Variants in RASL10A observed in about 807,000 individuals in gnomAD.
RASL10A encodes the protein RAS like family 10 member A, also known as ras-like protein family member 10A.
In RASL10A, 13 loss-of-function variants were observed where a neutral mutation model predicts 17.3. That is an observed-to-expected ratio of 0.75 (90% CI 0.49 to 1.20). The LOEUF (loss-of-function observed/expected upper bound fraction) is 1.20, where lower values mean the gene tolerates loss of function less well. Among genes scored for constraint, RASL10A ranks in the 50% most tolerant of loss-of-function variants. The pLI is 0.00. For missense variants in RASL10A, 307 were observed against 310.3 expected (o/e 0.99, Z 0.08); for synonymous variants, 159 against 142.2 (o/e 1.12, Z -0.84).
upstream of RASL10A, among the ~76,000 whole-genome samples, chr22:29,317,839 C>T (rs990783117): frequency 3.9e-5 from 6 of 152,320 alleles, no homozygotes; most frequent in Admixed American, 6.5e-5. Flanking sequence ...CACATGCCAC[C>T]ATGCCCGGCT....
chr22:29,319,046 G>T (rs1376178652), upstream of RASL10A, among the ~76,000 whole-genome samples: 2 of 152,166 alleles, frequency 1.3e-5, no homozygotes, highest in African/African-American at 2.4e-5. Context: ...GGGGAGGGCT[G>T]GGCAGGGGCA....
upstream of RASL10A, among the ~76,000 whole-genome samples, chr22:29,318,753 C>T (rs2061464285): frequency 6.6e-6 from 1 of 152,210 alleles, no homozygotes; most frequent in Non-Finnish European, 1.5e-5. Flanking sequence ...CTGGGCACTC[C>T]TTGAATGCCC....
chr22:29,313,903 C>T lies in RASL10A; in HGVS notation c.304G>A (p.Asp102Asn). The T allele has an allele frequency of 6.2e-7, 1 of 1,613,930 alleles. No homozygotes were observed. Among genetic ancestry groups the T allele is most frequent in the Non-Finnish European group, 8.5e-7 (1 of 1,180,028 alleles). ...CGCTGCCGCAGGGCCTTCACGTAGT[C>T]GAAACTGTCCGGGCTGCAGATGTCG... is the stretch of plus-strand genomic sequence containing the variant. ...VYDICSPDSF[D>N]YVKALRQRIA... Residue 102 changes from aspartate to asparagine, a missense_variant, in exon 2 of 3, where the codon GAC (aspartate) becomes AAC (asparagine). By Grantham distance (23) the Asp-to-Asn change is conservative. Transcript: ENST00000216101.
In RASL10A at chr22:29,315,562, C is replaced by T. The variant is rs547751225; in HGVS notation, c.-316G>A. ...CTCCGCCCCGCAGCGCCAACCCAGG[C>T]GCCGGCGGACGCGCGAGGCGCCGAA... is the stretch of plus-strand genomic sequence containing the variant. On this transcript the variant is annotated 5_prime_UTR_variant, in exon 1 of 3. Coordinates refer to ENST00000216101, the MANE Select transcript of RASL10A (RefSeq NM_006477.5). The surrounding 1 kb of genome is among the most constrained non-coding windows in gnomAD (Gnocchi z 5.5). 179 of 171,834 alleles carry T rather than the reference C, an allele frequency of 1.0e-3. No homozygotes were observed. Among genetic ancestry groups the T allele is most frequent in the African/African-American group, 3.8e-3 (161 of 42,220 alleles). The allele number at this position is 171,834 out of a possible 1,614,324, so 10.6% of individuals were successfully genotyped here.
At chr22:29,314,196 T>A (rs1485157310) in intron 1 of RASL10A, 8 of 589,904 alleles carry the variant, frequency 1.4e-5, no homozygotes, top group Non-Finnish European at 2.3e-5. Context: ...CCAGCCTCCT[T>A]CATCCTTGGT....
In RASL10A at chr22:29,313,999, A is replaced by G. The variant is rs1371586599; in HGVS notation, c.220-12T>C. On this transcript the variant is annotated splice_polypyrimidine_tract_variant and intron_variant, in intron 1 of 2. Transcript: ENST00000216101. ...GCGTCTGGCCACTCCTGGGGACAGG[A>G]GGCCAGGGTTTGCGGAAGCCTCCTT... is the stretch of plus-strand genomic sequence containing the variant. 3 of 1,612,338 alleles carry G rather than the reference A, an allele frequency of 1.9e-6. No homozygotes were observed. Among genetic ancestry groups the G allele is most frequent in the Non-Finnish European group, 2.5e-6 (3 of 1,179,964 alleles).
At position 29,313,020 on chromosome 22, in the gene RASL10A, C is replaced by T; in HGVS notation, c.*281G>A. 1 of 409,468 alleles carries T rather than the reference C, an allele frequency of 2.4e-6. No individual in the cohort carries two copies. The highest frequency in any genetic ancestry group is 4.3e-6 in the Non-Finnish European group (1 of 233,662). 25.4% of individuals were successfully genotyped at this position (409,468 alleles called of 1,614,324 possible). A position where few individuals can be genotyped will look rare whatever the true frequency, so the allele number is the denominator to read the frequency against. On this transcript the variant is annotated 3_prime_UTR_variant, in exon 3 of 3. Transcript: ENST00000216101. ...GCTCCAGGAGCAGGCTGCGTGTTTC[C>T]AGTCAAGTTCATAGCCAAGTCCTTT...
Position 29,313,483 on chromosome 22 carries a change from G to C in RASL10A, c.430C>G (p.Leu144Val). The C allele has an allele frequency of 6.4e-7, 1 of 1,554,648 alleles. No individual in the cohort carries two copies. Among genetic ancestry groups the C allele is most frequent in the African/African-American group, 1.4e-5 (1 of 73,688 alleles). Residue 144 changes from leucine to valine, a missense_variant, in exon 3 of 3, where the codon CTG (leucine) becomes GTG (valine). Coordinates refer to ENST00000216101, the MANE Select transcript of RASL10A (RefSeq NM_006477.5). ...CAGCCCCTGCGCACTAGGGCGGCCA[G>C]CGCGCGCCGCGGTCCGAAGCGCAGC... Reference protein sequence around the residue: ...QRLRFGPRRALAALVRRGWRC... With the variant: ...QRLRFGPRRAVAALVRRGWRC...
chr22:29,315,000 C>T (rs1602662868), intron 1 of RASL10A, 28 bp downstream of exon 1: 5 of 1,451,984 alleles, frequency 3.4e-6, no homozygotes, highest in Non-Finnish European at 4.5e-6. Context: ...CACTGTCACA[C>T]GCCCCTGCCC....
chr22:29,313,265 C>A lies in RASL10A; in HGVS notation c.*36G>T. On this transcript the variant is annotated 3_prime_UTR_variant, in exon 3 of 3. Coordinates refer to ENST00000216101, the MANE Select transcript of RASL10A (RefSeq NM_006477.5). ...TCCAGGTCCCTGATTGTCCCAGTCA[C>A]AAGGTGGGGCCCATGGATGGCACTG... 6.9e-7 allele frequency: 1 copy of A among 1,452,334 alleles called. No homozygotes were observed. The highest frequency in any genetic ancestry group is 9.1e-7 in the Non-Finnish European group (1 of 1,099,058). 90.0% of individuals were successfully genotyped at this position (1,452,334 alleles called of 1,614,324 possible).
chr22:29,314,879 G>GA, intron 1 of RASL10A, 149 bp downstream of exon 1: 2 of 703,200 alleles, frequency 2.8e-6, no homozygotes, highest in Non-Finnish European at 4.3e-6. Flanking sequence ...GGGAAGGGCT[G>GA]AAACGCAAGT....
intron 1 of RASL10A, 69 bp from the exon 2 acceptor site, chr22:29,314,056 G>A: frequency 2.5e-6 from 4 of 1,587,754 alleles, no homozygotes; most frequent in Non-Finnish European, 2.6e-6. Flanking sequence ...CCTCTGCAGG[G>A]GCCTGGACGC....
At chr22:29,318,831 C>T (rs546794260), upstream of RASL10A, among the ~76,000 whole-genome samples, 20 of 152,318 alleles carry the variant, frequency 1.3e-4, 1 homozygote, top group South Asian at 3.7e-3. Context: ...AGGGGACTGG[C>T]ACTAGGCACA....
Position 29,315,249 on chromosome 22 carries a change from C to A in RASL10A, c.-3G>T. 1.4e-6 allele frequency: 2 copies of A among 1,468,908 alleles called. No individual in the cohort carries two copies. Among genetic ancestry groups the A allele is most frequent in the Non-Finnish European group, 1.8e-6 (2 of 1,118,778 alleles). The allele number at this position is 1,468,908 out of a possible 1,614,324, so 91.0% of individuals were successfully genotyped here. A position where few individuals can be genotyped will look rare whatever the true frequency, so the allele number is the denominator to read the frequency against. On this transcript the variant is annotated 5_prime_UTR_variant, in exon 1 of 3. Coordinates refer to ENST00000216101, the MANE Select transcript of RASL10A (RefSeq NM_006477.5). The surrounding 1 kb of genome is among the most constrained non-coding windows in gnomAD (Gnocchi z 5.5). The stretch of plus-strand genomic sequence containing the variant: ...GCCACCCGCAGGCTACCCCCCATGG[C>A]CGGCCGGCGCTGTCGCTCCCCGCGC...
In RASL10A at chr22:29,313,354, G is replaced by T; in HGVS notation, c.559C>A (p.Pro187Thr). 1 of 1,542,648 alleles carries T rather than the reference G, an allele frequency of 6.5e-7. No individual in the cohort carries two copies. The highest frequency in any genetic ancestry group is 8.7e-7 in the Non-Finnish European group (1 of 1,144,170). ...AGCGCCCCCTGCAGGCGCAGGGCCG[G>T]GTGTGCAGGGCGCGCGCGCACCAGA... ...CALVRARPAH[P>T]ALRLQGALHP... is the part of the protein sequence containing the mutation. Residue 187 changes from proline (P) to threonine (T), a missense_variant, in exon 3 of 3, where the codon CCG becomes ACG. By Grantham distance (38) the Pro-to-Thr change is conservative. Transcript: ENST00000216101.
Position 29,315,055 on chromosome 22 carries a change from G to A in RASL10A, c.192C>T (p.Gly64=). ...DLSIRDGDVA[G]PGSSPGGPEE... Reference sequence around the variant, plus strand: ...CCGGACCCCCGGGGCTCGAGCCGGGGCCAGCGACGTCGCCGTCGCGGATGC... The same window carrying A: ...CCGGACCCCCGGGGCTCGAGCCGGGACCAGCGACGTCGCCGTCGCGGATGC... Residue 64 remains glycine, a synonymous_variant, in exon 1 of 3, where the codon GGC becomes GGT. Coordinates refer to ENST00000216101, the MANE Select transcript of RASL10A (RefSeq NM_006477.5). This position sits in a 1 kb window ranked among gnomAD's most constrained non-coding sequence, Gnocchi z 5.5. The A allele has an allele frequency of 3.3e-6, 5 of 1,516,540 alleles. No homozygotes were observed. The highest frequency in any genetic ancestry group is 4.4e-6 in the Non-Finnish European group (5 of 1,136,538). The allele number at this position is 1,516,540 out of a possible 1,614,324, so 93.9% of individuals were successfully genotyped here. A position where few individuals can be genotyped will look rare whatever the true frequency, so the allele number is the denominator to read the frequency against.
upstream of RASL10A, chr22:29,319,574 G>C (rs1485808656): frequency 1.3e-5 from 2 of 152,354 alleles, no homozygotes; most frequent in Non-Finnish European, 2.9e-5. Flanking sequence ...CTTGGGCTGG[G>C]TGCAGTGGCT....
rs1244054103 is a variant in RASL10A at position 29,315,043 on chromosome 22, G to A, written c.204C>T (p.Ser68=). ...GAGCCGCTACCTCCGGACCCCCGGG[G>A]CTCGAGCCGGGGCCAGCGACGTCGC... ...RDGDVAGPGS[S]PGGPEEWPDA... is the part of the protein sequence containing the mutation. Residue 68 remains serine (S), a synonymous_variant, in exon 1 of 3, where the codon AGC becomes AGT. Coordinates refer to ENST00000216101, the MANE Select transcript of RASL10A (RefSeq NM_006477.5). This position sits in a 1 kb window ranked among gnomAD's most constrained non-coding sequence, Gnocchi z 5.5. 2 of 1,512,132 alleles carry A rather than the reference G, an allele frequency of 1.3e-6. No homozygotes were observed. Among genetic ancestry groups the A allele is most frequent in the South Asian group, 2.5e-5 (2 of 81,462 alleles). 93.7% of individuals were successfully genotyped at this position (1,512,132 alleles called of 1,614,324 possible).
At chr22:29,317,874 C>T (rs764897150), upstream of RASL10A, among the ~76,000 whole-genome samples, 8 of 152,032 alleles carry the variant, frequency 5.3e-5, no homozygotes, top group Non-Finnish European at 8.8e-5. Flanking sequence ...TTAGTAGAGA[C>T]GGGGTTTCAC....
Sources: allele counts gnomAD v4.1 joint callset (sites outside exome capture counted in the v4.1 genomes callset), GRCh38; gene constraint gnomAD v4.1.1; non-coding constraint Gnocchi (gnomAD v3.1); transcripts MANE v1.5; gene names NCBI Gene and HGNC (gene_info 2026-07-23, HGNC 2026-07-21).